The following ITCH variants were observed in gnomAD, a reference collection of about 807,000 sequenced individuals.
The protein encoded by ITCH is itchy E3 ubiquitin protein ligase, also known as E3 ubiquitin-protein ligase Itchy homolog.
In ITCH, 28 loss-of-function variants were observed where a neutral mutation model predicts 126.8. The observed-to-expected ratio is 0.22, with a 90% CI of 0.16 to 0.30. The LOEUF is 0.30. Ranked by LOEUF, ITCH falls within the 10% of genes least tolerant of loss-of-function variation. The pLI is 1.00. For synonymous variants in ITCH, 342 were observed against 340.0 expected (o/e 1.01, Z -0.06); for missense variants, 631 against 1,032.4 (o/e 0.61, Z 5.33).
chr20:34,503,112 G>A (rs1036982334), intron 23 of ITCH, among the ~76,000 whole-genome samples: 10 of 152,056 alleles, frequency 6.6e-5, no homozygotes, highest in African/African-American at 2.4e-4. Context: ...TTTTTATAAC[G>A]TTTCCTATAT....
chr20:34,407,306 G>C (rs1377672177), intron 3 of ITCH, among the ~76,000 whole-genome samples: 1 of 151,846 alleles, frequency 6.6e-6, no homozygotes, highest in Non-Finnish European at 1.5e-5. Flanking sequence ...TCACTCTGTC[G>C]CCCAGGCTGG....
chr20:34,379,785 G>T (rs747056788), intron 2 of ITCH, among the ~76,000 whole-genome samples: 1 of 151,364 alleles, frequency 6.6e-6, no homozygotes, highest in Non-Finnish European at 1.5e-5. Flanking sequence ...TTTTAGTAGA[G>T]ACAGGGTTTC....
At chr20:34,447,055 G>A (rs1391939452) in intron 11 of ITCH, among the ~76,000 whole-genome samples, 1 of 151,622 alleles carries the variant, frequency 6.6e-6, no homozygotes, top group Non-Finnish European at 1.5e-5. Context: ...TCTCATTTTT[G>A]CATTACACAA....
At chr20:34,492,654 G>A (rs929109744) in intron 23 of ITCH, 57 bp downstream of exon 23, 35 of 1,075,730 alleles carry the variant, frequency 3.3e-5, no homozygotes, top group Middle Eastern at 2.0e-4. Context: ...GCTGCTTTAC[G>A]TAAATGTGTA....
At chr20:34,485,677 G>A (rs1466249150) in intron 20 of ITCH, among the ~76,000 whole-genome samples, 2 of 151,304 alleles carry the variant, frequency 1.3e-5, no homozygotes, top group Admixed American at 6.6e-5. Flanking sequence ...CTTTTCTTAC[G>A]ATACGTCTAG....
At chr20:34,404,767 G>A (rs982059377) in intron 3 of ITCH, among the ~76,000 whole-genome samples, 2 of 152,008 alleles carry the variant, frequency 1.3e-5, no homozygotes, top group East Asian at 3.9e-4. Context: ...CGCAGAATAG[G>A]TATTGATATT....
intron 2 of ITCH, among the ~76,000 whole-genome samples, chr20:34,389,182 T>A (rs1037217746): frequency 8.5e-5 from 13 of 152,072 alleles, no homozygotes; most frequent in African/African-American, 1.4e-4. Flanking sequence ...TATTATTTTT[T>A]AAAAAATTTT....
At chr20:34,471,777 T>TTGTGTGTGTGTGTGTGTGTG (rs10667439) in intron 16 of ITCH, among the ~76,000 whole-genome samples, 2 of 53,832 alleles carry the variant, frequency 3.7e-5, no homozygotes, top group African/African-American at 1.3e-4. Context: ...GATAATAGGT[T>TTGTGTGTGTGTGTGTGTGTG]TGTGTGTGTG....
At chr20:34,474,644 T>TTGTCATCATGGCCCGTTCTCAA (rs1248592355) in intron 16 of ITCH, among the ~76,000 whole-genome samples, 1 of 152,218 alleles carries the variant, frequency 6.6e-6, no homozygotes, top group East Asian at 1.9e-4. Flanking sequence ...AAAACCGCCA[T>TTGTCATCATGGCCCGTTCTCAA]TGTCATCATG....
intron 13 of ITCH, 121 bp downstream of exon 13, chr20:34,457,595 C>T (rs1986128777): frequency 5.6e-6 from 4 of 709,502 alleles, no homozygotes; most frequent in Middle Eastern, 2.8e-4. Flanking sequence ...CACCTACATA[C>T]TTTGGAAAGA....
intron 23 of ITCH, among the ~76,000 whole-genome samples, chr20:34,503,249 T>C (rs1476573962): frequency 6.6e-6 from 1 of 152,210 alleles, no homozygotes; most frequent in Non-Finnish European, 1.5e-5. Flanking sequence ...GAAAGTTCTT[T>C]GTGTCTGACA....
chr20:34,369,211 T>C (rs1353759327), intron 1 of ITCH, among the ~76,000 whole-genome samples, 183 bp from the exon 2 acceptor site: 1 of 152,114 alleles, frequency 6.6e-6, no homozygotes, highest in Non-Finnish European at 1.5e-5. Flanking sequence ...GCCCGTAGTG[T>C]AGTCCCAGCT....
chr20:34,508,088 G>A lies in ITCH; in HGVS notation c.*294G>A, dbSNP rs1978350022. On this transcript the variant is annotated 3_prime_UTR_variant, in exon 25 of 25. Coordinates refer to ENST00000374864, the MANE Select transcript of ITCH (RefSeq NM_031483.7). ...TTCCTTTAACAACAATATTTTATGT[G>A]TGTCAAAAGTCTCACTTGGGAGTAG... is the stretch of plus-strand genomic sequence containing the variant. The A allele has an allele frequency of 5.5e-6, 2 of 363,744 alleles. No homozygotes were observed. The highest frequency in any genetic ancestry group is 2.4e-5 in the South Asian group (1 of 41,876). The allele number at this position is 363,744 out of a possible 1,614,324, so 22.5% of individuals were successfully genotyped here.
At chr20:34,386,710 G>C (rs1024124577) in intron 2 of ITCH, among the ~76,000 whole-genome samples, 2 of 151,986 alleles carry the variant, frequency 1.3e-5, no homozygotes, top group African/African-American at 2.4e-5. Context: ...TGATTATGTT[G>C]GGTGTGTTAT....
intron 21 of ITCH, 97 bp from the exon 22 acceptor site, chr20:34,489,725 T>A (rs1422749474): frequency 3.5e-6 from 3 of 855,376 alleles, no homozygotes; most frequent in Non-Finnish European, 6.1e-6. Flanking sequence ...GCCTACTGAT[T>A]GTTATTCTAA....
chr20:34,506,821 T>G (rs1290604810), intron 24 of ITCH, among the ~76,000 whole-genome samples: 1 of 152,204 alleles, frequency 6.6e-6, no homozygotes, highest in African/African-American at 2.4e-5. Context: ...AATCGTACCT[T>G]ATTTGTCCTT....
chr20:34,475,893 A>G, intron 16 of ITCH: 1 of 1,034,578 alleles, frequency 9.7e-7, no homozygotes, highest in East Asian at 2.4e-5. Flanking sequence ...AATAGGTAAA[A>G]TTCCATGAAA....
chr20:34,478,969 T>C lies in ITCH; in HGVS notation c.1659-661T>C, dbSNP rs138474521. 7.9e-5 allele frequency among the ~76,000 whole-genome samples: 12 copies of C among 152,308 alleles called. No individual in the cohort carries two copies. In the East Asian group the frequency reaches 2.3e-3, roughly 29 times the overall value. On this transcript the variant is annotated intron_variant, in intron 17 of 24. Transcript: ENST00000374864. ...AAAAGAGATCCAGATTACAGGCTTA[T>C]GCCACATGTATTACCCCAGATCACC...
At chr20:34,503,426 A>G (rs1288475185) in intron 23 of ITCH, among the ~76,000 whole-genome samples, 1 of 152,208 alleles carries the variant, frequency 6.6e-6, no homozygotes, top group Non-Finnish European at 1.5e-5. Flanking sequence ...CTCCAGCAGC[A>G]GGTAAATGAG....
Sources: allele counts gnomAD v4.1 joint callset (sites outside exome capture counted in the v4.1 genomes callset), GRCh38; gene constraint gnomAD v4.1.1; transcripts MANE v1.5; gene names NCBI Gene and HGNC (gene_info 2026-07-23, HGNC 2026-07-21).